NBEA: variants seen among roughly 807,000 people sequenced by gnomAD.
NBEA encodes the protein lysosomal-trafficking regulator 2.
Under a neutral mutation model 343.4 loss-of-function variants are expected in NBEA, and 44 were observed. That is an observed-to-expected ratio of 0.13 (90% CI 0.10 to 0.16). The LOEUF (loss-of-function observed/expected upper bound fraction) is 0.16. Ranked by LOEUF, NBEA falls within the 10% of genes least tolerant of loss-of-function variation. The pLI is 1.00. For missense variants in NBEA, 2,555 were observed against 3,631.3 expected (o/e 0.70, Z 7.62); for synonymous variants, 1,175 against 1,238.7 (o/e 0.95, Z 1.08).
chr13:35,352,076 C>T, intron 37 of NBEA, 81 bp from the exon 38 acceptor site: 1 of 832,282 alleles, frequency 1.2e-6, no homozygotes, highest in Non-Finnish European at 1.6e-6. Context: ...ATTCCTGTTA[C>T]CGTTTAACTT....
chr13:35,577,961 G>C (rs1444555307), intron 45 of NBEA, among the ~76,000 whole-genome samples: 1 of 152,124 alleles, frequency 6.6e-6, no homozygotes, highest in Non-Finnish European at 1.5e-5. Flanking sequence ...TGTCATAACA[G>C]AATTTTCAGA....
intron 13 of NBEA, among the ~76,000 whole-genome samples, chr13:35,113,982 A>C (rs538270322): frequency 6.6e-6 from 1 of 152,110 alleles, no homozygotes; most frequent in Non-Finnish European, 1.5e-5. Context: ...ATAAGTTTTT[A>C]ATACTATTTT....
intron 38 of NBEA, among the ~76,000 whole-genome samples, chr13:35,367,254 A>G (rs1056094296): frequency 6.6e-6 from 1 of 151,360 alleles, no homozygotes; most frequent in African/African-American, 2.4e-5. Flanking sequence ...GAAGCCTGTC[A>G]GTAAAGAAAA....
At chr13:35,218,913 T>C (rs562579371) in intron 33 of NBEA, among the ~76,000 whole-genome samples, 1 of 152,126 alleles carries the variant, frequency 6.6e-6, no homozygotes, top group East Asian at 1.9e-4. Context: ...TTTTATTTTT[T>C]CCCCTGAAAT....
intron 10 of NBEA, among the ~76,000 whole-genome samples, chr13:35,086,702 A>G (rs1317243467): frequency 1.3e-5 from 2 of 151,914 alleles, no homozygotes; most frequent in African/African-American, 4.8e-5. Context: ...GTCGAATGGT[A>G]GTTCTATTTT....
chr13:35,023,260 A>T (rs2061907625), intron 1 of NBEA, among the ~76,000 whole-genome samples: 1 of 152,140 alleles, frequency 6.6e-6, no homozygotes, highest in Non-Finnish European at 1.5e-5. Flanking sequence ...CCCAGATTTT[A>T]TGATAAGAAA....
chr13:35,236,369 C>G (rs1410746747), intron 34 of NBEA, among the ~76,000 whole-genome samples: 1 of 152,118 alleles, frequency 6.6e-6, no homozygotes, highest in Non-Finnish European at 1.5e-5. Context: ...ATCACATTTC[C>G]TTGTTTTTGT....
chr13:35,629,389 C>T (rs948626674), intron 49 of NBEA, among the ~76,000 whole-genome samples: 4 of 152,108 alleles, frequency 2.6e-5, no homozygotes, highest in African/African-American at 9.7e-5. Flanking sequence ...AAGTTTATTT[C>T]TTATATACCT....
At chr13:35,228,374 CTTTTT>C (rs376741335) in intron 33 of NBEA, among the ~76,000 whole-genome samples, 1 of 143,648 alleles carries the variant, frequency 7.0e-6, no homozygotes, top group Non-Finnish European at 1.5e-5. Flanking sequence ...AAGTAATTCT[CTTTTT>C]TTTTTTTTAT....
At chr13:35,546,783 G>A (rs1279828773) in intron 41 of NBEA, among the ~76,000 whole-genome samples, 1 of 151,950 alleles carries the variant, frequency 6.6e-6, no homozygotes, top group Non-Finnish European at 1.5e-5. Context: ...TCGAACTCCT[G>A]ACCTTGTGAT....
At chr13:34,996,462 G>A (rs554623819) in intron 1 of NBEA, among the ~76,000 whole-genome samples, 53 of 133,144 alleles carry the variant, frequency 4.0e-4, no homozygotes, top group African/African-American at 1.2e-3. Context: ...TCACCTCTGC[G>A]TTTGTGTGTG....
chr13:35,104,346 T>C (rs893174093), intron 11 of NBEA, among the ~76,000 whole-genome samples: 1 of 151,986 alleles, frequency 6.6e-6, no homozygotes, highest in African/African-American at 2.4e-5. Flanking sequence ...TTATATTTTT[T>C]ACTAATTTTC....
chr13:35,138,854 A>G (rs1223558995), intron 17 of NBEA, among the ~76,000 whole-genome samples: 2 of 152,120 alleles, frequency 1.3e-5, no homozygotes, highest in East Asian at 1.9e-4. Context: ...TACCTTATAT[A>G]GAACAATTTC....
intron 17 of NBEA, among the ~76,000 whole-genome samples, chr13:35,134,358 A>G (rs73502404): frequency 0.043 from 6,560 of 151,878 alleles, 254 homozygotes; most frequent in African/African-American, 0.099. Context: ...TAAAGAAGAT[A>G]TACAAAAAAA....
chr13:34,970,706 T>G (rs918625751), intron 1 of NBEA, among the ~76,000 whole-genome samples: 3 of 152,074 alleles, frequency 2.0e-5, no homozygotes, highest in Non-Finnish European at 4.4e-5. Flanking sequence ...TGCATCATAT[T>G]TCTGGGTTCT....
intron 10 of NBEA, among the ~76,000 whole-genome samples, chr13:35,074,080 G>C (rs1031484087): frequency 1.3e-5 from 2 of 152,140 alleles, no homozygotes; most frequent in Non-Finnish European, 2.9e-5. Flanking sequence ...GGACTTTCAA[G>C]TCAGACAAAC....
Position 35,045,057 on chromosome 13 carries a change from G to A in NBEA, c.627+10G>A. On this transcript the variant is annotated intron_variant, in intron 3 of 58. Transcript: ENST00000379939. ...AGAAAGTGGAATCTGGGTAAGCTGT[G>A]GTCGGAGGGAAAGGTATTCAGTATC... is the stretch of plus-strand genomic sequence containing the variant. The A allele has an allele frequency of 6.3e-7, 1 of 1,597,906 alleles. No homozygotes were observed. The highest frequency in any genetic ancestry group is 8.5e-7 in the Non-Finnish European group (1 of 1,170,460).
At chr13:35,468,210 C>T (rs1165565782) in intron 40 of NBEA, among the ~76,000 whole-genome samples, 1 of 149,822 alleles carries the variant, frequency 6.7e-6, no homozygotes, top group Non-Finnish European at 1.5e-5. Flanking sequence ...TATATCTAAG[C>T]CTCATTCTTT....
At chr13:35,456,383 AATCAATAAAGTAATTATT>A (rs1270726325) in intron 40 of NBEA, among the ~76,000 whole-genome samples, 1 of 152,068 alleles carries the variant, frequency 6.6e-6, no homozygotes, top group Non-Finnish European at 1.5e-5. Context: ...GAAGTATGCC[AATCAATAAAGTAATTATT>A]ATATTAATAA....
Sources: allele counts gnomAD v4.1 joint callset (sites outside exome capture counted in the v4.1 genomes callset), GRCh38; gene constraint gnomAD v4.1.1; transcripts MANE v1.5; gene names NCBI Gene and HGNC (gene_info 2026-07-23, HGNC 2026-07-21).